CALR3: variants seen among roughly 807,000 people sequenced by gnomAD.
CALR3 encodes calreticulin 3.
CALR3 carries 39 observed loss-of-function variants against 48.7 expected under a neutral mutation model. That is an observed-to-expected ratio of 0.80 (90% CI 0.62 to 1.05). The LOEUF (loss-of-function observed/expected upper bound fraction) is 1.05. Ranked by LOEUF, CALR3 falls within the 50% of genes least tolerant of loss-of-function variation. The pLI, the probability that CALR3 is intolerant of heterozygous loss-of-function variation, is 0.00. For synonymous variants in CALR3, 185 were observed against 172.7 expected, an observed-to-expected ratio of 1.07 and a Z score of -0.56; for missense variants, 449 against 474.7, an observed-to-expected ratio of 0.95 and a Z score of 0.50.
intron 3 of CALR3, among the ~76,000 whole-genome samples, chr19:16,488,684 A>G (rs1208085661): frequency 6.6e-6 from 1 of 152,164 alleles, no homozygotes; most frequent in Non-Finnish European, 1.5e-5. Flanking sequence ...CTGAGATTAC[A>G]GGTGTGAGCC....
rs1336985608 is a variant in CALR3, at chr19:16,484,107, GC to G, written c.500del (p.Gly167AlafsTer8). The G allele has an allele frequency of 6.2e-7, 1 of 1,613,038 alleles. No individual in the cohort carries two copies. The highest frequency in any genetic ancestry group is 1.7e-5 in the Admixed American group (1 of 59,902). On this transcript the variant is annotated frameshift_variant, in exon 5 of 9. Transcript: ENST00000269881. LOFTEE classifies it high-confidence loss of function. ...AAATTAGAGTGTACAGGTGTGTGAA[GC>G]CATCAACCTGCATATTTTAGGGGGA... The part of the protein sequence containing the change: ...NKKLIRCKVD[G>X]FTHLYTLILR...
chr19:16,495,614 C>G, intron 2 of CALR3, 137 bp downstream of exon 2: 1 of 691,042 alleles, frequency 1.4e-6, no homozygotes, highest in Non-Finnish European at 2.6e-6. Flanking sequence ...GAAAGGAGCC[C>G]CTTAAGTTCT....
At chr19:16,494,046 T>C (rs981185197) in intron 2 of CALR3, among the ~76,000 whole-genome samples, 3 of 151,918 alleles carry the variant, frequency 2.0e-5, no homozygotes, top group Admixed American at 2.0e-4. Context: ...CAAGATGTAA[T>C]GTTTATCTCT....
At chr19:16,488,771 G>C (rs2093393133) in intron 3 of CALR3, among the ~76,000 whole-genome samples, 1 of 152,192 alleles carries the variant, frequency 6.6e-6, no homozygotes, top group African/African-American at 2.4e-5. Context: ...CTGTGGCCCA[G>C]TGTGGTCCCT....
chr19:16,495,790 A>G lies in CALR3; in HGVS notation c.154T>C (p.Ser52Pro). Reference sequence around the variant, plus strand: ...TTATGACCATAAAACTTGCCCGACGAAAGTCTAAAATGCCCAAATCGGGAG... The same window carrying G: ...TTATGACCATAAAACTTGCCCGACGGAAGTCTAAAATGCCCAAATCGGGAG... ...NDSRFGHFRL[S>P]SGKFYGHKEK... The change falls in exon 2 of 9, where the codon TCG (serine) becomes CCG (proline). Residue 52 changes from serine (S) to proline (P), a missense_variant. Transcript: ENST00000269881. 1 of 1,614,190 alleles carries G rather than the reference A, an allele frequency of 6.2e-7. No homozygotes were observed. Among genetic ancestry groups the G allele is most frequent in the Non-Finnish European group, 8.5e-7 (1 of 1,180,032 alleles).
chr19:16,495,690 C>T (rs747116379), intron 2 of CALR3, 61 bp downstream of exon 2: 5 of 1,318,748 alleles, frequency 3.8e-6, no homozygotes, highest in Non-Finnish European at 5.5e-6. Flanking sequence ...CCACAACTAC[C>T]TAGAGAGGTT....
Position 16,479,258 on chromosome 19 carries a change from A to G in CALR3, c.1028T>C (p.Met343Thr), listed in dbSNP as rs748304873. Residue 343 changes from methionine to threonine, a missense_variant, in exon 9 of 9, where the codon ATG (methionine) becomes ACG (threonine). Physicochemically the swap from Met to Thr is moderately conservative, Grantham distance 81. Coordinates refer to ENST00000269881, the MANE Select transcript of CALR3 (RefSeq NM_145046.5). ...WGETKGPERE[M>T]DAIQAKEEMK... ...TTCCTCCTTGGCCTGTATGGCATCC[A>G]TCTCCCTTTCTGGACCCTGGAGAAA... The G allele has an allele frequency of 5.6e-6, 9 of 1,613,688 alleles. No individual in the cohort carries two copies. The highest frequency in any genetic ancestry group is 5.0e-5 in the Admixed American group (3 of 59,934).
At chr19:16,488,879 G>A (rs531213503) in intron 3 of CALR3, among the ~76,000 whole-genome samples, 4 of 152,242 alleles carry the variant, frequency 2.6e-5, no homozygotes, top group South Asian at 2.1e-4. Context: ...AAGGCCAGAT[G>A]GTAAAATATT....
intron 8 of CALR3, 63 bp downstream of exon 8, chr19:16,480,550 TA>T (rs1031290222): frequency 0.091 from 70,014 of 770,252 alleles, no homozygotes; most frequent in South Asian, 0.12. Flanking sequence ...AGACTCCATC[TA>T]AAAAAAAAAA....
At chr19:16,486,732 G>A (rs1485316645) in intron 3 of CALR3, among the ~76,000 whole-genome samples, 1 of 151,960 alleles carries the variant, frequency 6.6e-6, no homozygotes, top group Non-Finnish European at 1.5e-5. Flanking sequence ...TTATGCATAG[G>A]AATTCATGCA....
intron 2 of CALR3, among the ~76,000 whole-genome samples, chr19:16,495,549 G>C (rs1214814111): frequency 3.2e-5 from 3 of 94,344 alleles, no homozygotes; most frequent in Non-Finnish European, 5.7e-5. Context: ...ACAGAGCAAG[G>C]CTCCGTCTCA....
At chr19:16,491,853 T>C (rs2093398683) in intron 2 of CALR3, among the ~76,000 whole-genome samples, 1 of 151,926 alleles carries the variant, frequency 6.6e-6, no homozygotes, top group Non-Finnish European at 1.5e-5. Flanking sequence ...TCTTTTCTTT[T>C]TTCTTTTGAG....
At chr19:16,492,125 G>C (rs550185612) in intron 2 of CALR3, among the ~76,000 whole-genome samples, 1 of 152,018 alleles carries the variant, frequency 6.6e-6, no homozygotes, top group African/African-American at 2.4e-5. Flanking sequence ...CACTGTGCCT[G>C]GCCTAAACTT....
In CALR3 at chr19:16,482,545, A is replaced by G; in HGVS notation, c.823T>C (p.Trp275Arg). Reference sequence around the variant, plus strand: ...GTATTCTTCATCTTACGGTGGAGCCAGACGTCTTTATGAATACCTTCTGGT... The same window carrying G: ...GTATTCTTCATCTTACGGTGGAGCCGGACGTCTTTATGAATACCTTCTGGT... ...LKPEGIHKDV[W>R]LHRKMKNTDY... The change falls in exon 7 of 9, where the codon TGG (tryptophan) becomes CGG (arginine). Residue 275 changes from tryptophan (W) to arginine (R), a missense_variant. Transcript: ENST00000269881. 1 of 1,614,220 alleles carries G rather than the reference A, an allele frequency of 6.2e-7. No individual in the cohort carries two copies. The highest frequency in any genetic ancestry group is 8.5e-7 in the Non-Finnish European group (1 of 1,180,046).
chr19:16,482,724 A>ATCGGCGCT lies in CALR3; in HGVS notation c.739_740insAGCGCCGA (p.Leu247GlnfsTer22). On this transcript the variant is annotated frameshift_variant, in exon 6 of 9. Transcript: ENST00000269881. LOFTEE classifies it high-confidence loss of function. ...CATCGGCGCTGGCCAGTCCCCATCC[A>ATCGGCGCT]GGTCACCGTTCCAGTCGCTCTGCTT... 6.2e-7 allele frequency: 1 copy of ATCGGCGCT among 1,614,008 alleles called. No homozygotes were observed. Among genetic ancestry groups the ATCGGCGCT allele is most frequent in the Non-Finnish European group, 8.5e-7 (1 of 1,179,964 alleles).
At chr19:16,488,921 T>C (rs565053362) in intron 3 of CALR3, among the ~76,000 whole-genome samples, 2 of 152,304 alleles carry the variant, frequency 1.3e-5, no homozygotes, top group South Asian at 4.1e-4. Context: ...ATCTCTGTCA[T>C]GACAACTTAA....
intron 3 of CALR3, 151 bp downstream of exon 3, chr19:16,490,216 C>T (rs375166621): frequency 1.6e-5 from 11 of 691,310 alleles, no homozygotes; most frequent in African/African-American, 5.3e-5. Flanking sequence ...TGCTTGGATC[C>T]GATACACTCA....
chr19:16,494,716 C>T (rs1240087512), intron 2 of CALR3, among the ~76,000 whole-genome samples: 1 of 152,132 alleles, frequency 6.6e-6, no homozygotes, highest in Non-Finnish European at 1.5e-5. Context: ...CTAACCTTTT[C>T]CTTCTGAGGG....
chr19:16,493,937 G>T (rs866482278), intron 2 of CALR3, among the ~76,000 whole-genome samples: 3 of 152,000 alleles, frequency 2.0e-5, no homozygotes, highest in South Asian at 4.2e-4. Flanking sequence ...CATGTTGGCC[G>T]GGCTGGTCTC....
Sources: allele counts gnomAD v4.1 joint callset (sites outside exome capture counted in the v4.1 genomes callset), GRCh38; gene constraint gnomAD v4.1.1; transcripts MANE v1.5; gene names NCBI Gene and HGNC (gene_info 2026-07-23, HGNC 2026-07-21).